NUCB1: variants seen among roughly 807,000 people sequenced by gnomAD.
NUCB1 encodes nucleobindin 1.
In NUCB1, 47 loss-of-function variants were observed where a neutral mutation model predicts 61.2. The observed-to-expected ratio is 0.77, with a 90% CI of 0.61 to 0.98. NUCB1 has a LOEUF of 0.98. NUCB1 is among the 50% of genes least tolerant of loss of function. The pLI, the probability that NUCB1 is intolerant of heterozygous loss-of-function variation, is 0.00. For synonymous variants in NUCB1, 234 were observed against 243.1 expected (o/e 0.96, Z 0.35); for missense variants, 583 against 605.3 (o/e 0.96, Z 0.39).
chr19:48,922,356 G>A lies in NUCB1; in HGVS notation c.1318G>A (p.Glu440Lys). The A allele has an allele frequency of 6.2e-7, 1 of 1,613,836 alleles. No individual in the cohort carries two copies. The highest frequency in any genetic ancestry group is 8.5e-7 in the Non-Finnish European group (1 of 1,179,818). ...CCCAGCTCCAGCCGGTGACCAGAAG[G>A]AGGTGGACACTTCAGAAAAGAAACT... is the stretch of plus-strand genomic sequence containing the variant. ...PVPAPAGDQK[E>K]VDTSEKKLLE... is the part of the protein sequence containing the mutation. Residue 440 changes from glutamate (E) to lysine (K), a missense_variant, in exon 13 of 13, where the codon GAG becomes AAG. Glu to Lys is a moderately conservative substitution (Grantham distance 56). Transcript: ENST00000405315.
intron 7 of NUCB1, 46 bp downstream of exon 7, chr19:48,913,610 T>C (rs1408642595): frequency 2.7e-6 from 4 of 1,496,016 alleles, no homozygotes; most frequent in Admixed American, 1.7e-5. Flanking sequence ...CCCTAGATTC[T>C]GACCCTTCTA....
intron 2 of NUCB1, among the ~76,000 whole-genome samples, chr19:48,903,901 GAT>G (rs2037383543): frequency 1.4e-5 from 2 of 147,936 alleles, no homozygotes. Context: ...TGGATGGATG[GAT>G]GGGTGGATGG....
chr19:48,917,750 C>A (rs1177259788), intron 7 of NUCB1, among the ~76,000 whole-genome samples: 2 of 151,926 alleles, frequency 1.3e-5, no homozygotes, highest in African/African-American at 2.4e-5. Flanking sequence ...CCTGCCTCGG[C>A]CTCCCAAAGT....
intron 4 of NUCB1, chr19:48,910,941 T>G: frequency 1.7e-5 from 8 of 476,406 alleles, no homozygotes; most frequent in Admixed American, 3.5e-5. Context: ...AGGCACTACA[T>G]GTTAGTTTTT....
At position 48,900,783 on chromosome 19, in the gene NUCB1, C is replaced by A; in HGVS notation, c.-11-3C>A. ...GCATTATCCAGCCCTCCATCCCCCACAGACCACACTGCCATGCCTCCCTCT... is the reference window on the plus strand; with the variant it reads ...GCATTATCCAGCCCTCCATCCCCCAAAGACCACACTGCCATGCCTCCCTCT... On this transcript the variant is annotated splice_polypyrimidine_tract_variant and splice_region_variant and intron_variant, in intron 1 of 12. Coordinates refer to ENST00000405315, the MANE Select transcript of NUCB1 (RefSeq NM_006184.6). 6.2e-7 allele frequency: 1 copy of A among 1,613,480 alleles called. No homozygotes were observed. Among genetic ancestry groups the A allele is most frequent in the South Asian group, 1.1e-5 (1 of 91,034 alleles).
intron 4 of NUCB1, among the ~76,000 whole-genome samples, chr19:48,909,198 G>A (rs971991208): frequency 2.6e-5 from 4 of 151,518 alleles, no homozygotes; most frequent in Admixed American, 6.6e-5. Context: ...CTGTGTGCCT[G>A]GCCCAAATTT....
chr19:48,913,202 G>A lies in NUCB1; in HGVS notation c.666+6G>A. 1 of 1,605,882 alleles carries A rather than the reference G, an allele frequency of 6.2e-7. No homozygotes were observed. The highest frequency in any genetic ancestry group is 1.1e-5 in the South Asian group (1 of 90,284). On this transcript the variant is annotated splice_donor_region_variant and intron_variant, in intron 6 of 12. Transcript: ENST00000405315. The stretch of plus-strand genomic sequence containing the variant: ...ACCCTAAAGTCAACGTGCCTGTGAG[G>A]ACCCCATTTGTGCCCATCCACTCCC...
chr19:48,906,242 TA>T (rs942648503), intron 4 of NUCB1, among the ~76,000 whole-genome samples: 4 of 151,854 alleles, frequency 2.6e-5, no homozygotes, highest in African/African-American at 9.7e-5. Context: ...CCATATCTGC[TA>T]AAAATACTAA....
intron 4 of NUCB1, 37 bp downstream of exon 4, chr19:48,905,922 G>C (rs747452387): frequency 6.8e-7 from 1 of 1,464,886 alleles, no homozygotes; most frequent in Non-Finnish European, 9.3e-7. Context: ...AGGCAGGGAG[G>C]GGTGGGGAAG....
intron 2 of NUCB1, among the ~76,000 whole-genome samples, chr19:48,903,949 A>G (rs1394660122): frequency 1.8e-3 from 95 of 53,556 alleles, no homozygotes; most frequent in East Asian, 4.3e-3. Flanking sequence ...TGGATGGATG[A>G]GTGGATGGAT....
chr19:48,915,439 G>C (rs2037528744), intron 7 of NUCB1, among the ~76,000 whole-genome samples: 1 of 152,076 alleles, frequency 6.6e-6, no homozygotes, highest in Non-Finnish European at 1.5e-5. Flanking sequence ...CGGAAGGCGG[G>C]GGTTGCAATG....
At chr19:48,913,600 C>T (rs1198573290) in intron 7 of NUCB1, 36 bp downstream of exon 7, 1 of 1,546,984 alleles carries the variant, frequency 6.5e-7, no homozygotes, top group South Asian at 1.1e-5. Flanking sequence ...CCAGGATGAA[C>T]CCTAGATTCT....
At chr19:48,917,502 T>A (rs1050812662) in intron 7 of NUCB1, among the ~76,000 whole-genome samples, 1 of 151,860 alleles carries the variant, frequency 6.6e-6, no homozygotes, top group Admixed American at 6.6e-5. Context: ...TTTTAAATTT[T>A]TTTTTTCTTT....
At chr19:48,920,991 G>A (rs546323968) in intron 10 of NUCB1, among the ~76,000 whole-genome samples, 163 bp from the exon 11 acceptor site, 4 of 152,258 alleles carry the variant, frequency 2.6e-5, no homozygotes, top group African/African-American at 9.6e-5. Flanking sequence ...CTTGTCTCTC[G>A]GTCTTTATCC....
In NUCB1 at chr19:48,904,487, G is replaced by T. The variant is rs763717524; in HGVS notation, c.243+33G>T. On this transcript the variant is annotated intron_variant, in intron 3 of 12. Transcript: ENST00000405315. ...TGGGGGAGTGGGGGCTGTGGGAGGG[G>T]TACGTGCTGGGAGGGCAGAGTTCAG... is the stretch of plus-strand genomic sequence containing the variant. 4 of 1,367,938 alleles carry T rather than the reference G, an allele frequency of 2.9e-6. No homozygotes were observed. The South Asian group carries it at 4.7e-5, about 16-fold the overall frequency. 84.7% of individuals were successfully genotyped at this position (1,367,938 alleles called of 1,614,324 possible). A position where few individuals can be genotyped will look rare whatever the true frequency, so the allele number is the denominator to read the frequency against.
intron 7 of NUCB1, among the ~76,000 whole-genome samples, chr19:48,915,120 A>G (rs552706462): frequency 2.0e-5 from 3 of 152,106 alleles, no homozygotes; most frequent in Non-Finnish European, 4.4e-5. Flanking sequence ...AGTTAAATAA[A>G]TAAAGATACA....
At chr19:48,919,662 G>C (rs189811548) in intron 10 of NUCB1, among the ~76,000 whole-genome samples, 155 of 151,552 alleles carry the variant, frequency 1.0e-3, no homozygotes, top group African/African-American at 3.7e-3. Flanking sequence ...ATTTTTAGTA[G>C]AGGCAGGATT....
At chr19:48,904,687 C>G (rs2037393959) in intron 3 of NUCB1, among the ~76,000 whole-genome samples, 1 of 152,062 alleles carries the variant, frequency 6.6e-6, no homozygotes, top group Admixed American at 6.6e-5. Context: ...CCATGCCTGA[C>G]TAATTTTTGT....
Position 48,919,095 on chromosome 19 carries a change from G to A in NUCB1, c.882G>A (p.Leu294=). 6.2e-7 allele frequency: 1 copy of A among 1,614,190 alleles called. No homozygotes were observed. The change falls in exon 9 of 13, where the codon CTG becomes CTA. Residue 294 remains leucine (L), a synonymous_variant. Transcript: ENST00000405315. ...TGCGGGAGATGGAGGAGGAGCGACTGCGCATGCGGGAGCATGTGATGAAGA... is the reference window on the plus strand; with the variant it reads ...TGCGGGAGATGGAGGAGGAGCGACTACGCATGCGGGAGCATGTGATGAAGA... The part of the protein sequence containing the change: ...DDMREMEEER[L]RMREHVMKNV...
Sources: gnomAD v4.1 joint callset for allele counts (sites outside exome capture counted in the v4.1 genomes callset) on GRCh38, gnomAD v4.1.1 for gene constraint, MANE v1.5 for transcripts, NCBI Gene and HGNC (gene_info 2026-07-23, HGNC 2026-07-21) for gene names.